Variants in DAB1 observed in about 807,000 individuals in gnomAD.
DAB1 encodes DAB adaptor protein 1.
A neutral mutation model predicts 64.6 loss-of-function variants in DAB1; 15 were observed. That is an observed-to-expected ratio of 0.23 (90% confidence interval 0.16 to 0.36). DAB1 has a LOEUF of 0.36. Ranked by LOEUF, DAB1 falls within the 10% of genes least tolerant of loss-of-function variation. The pLI, the probability that DAB1 is intolerant of heterozygous loss-of-function variation, is 1.00. For synonymous variants in DAB1, 235 were observed against 251.9 expected (o/e 0.93, Z 0.64); for missense variants, 596 against 706.7 (o/e 0.84, Z 1.78).
chr1:57,646,109 G>A (rs1180858600), intron 7 of DAB1, among the ~76,000 whole-genome samples: 1 of 152,118 alleles, frequency 6.6e-6, no homozygotes, highest in African/African-American at 2.4e-5. Context: ...AAATGGGAAA[G>A]GCATACTATC....
At chr1:57,254,007 T>C (rs1194834660) in intron 2 of DAB1, among the ~76,000 whole-genome samples, 1 of 152,358 alleles carries the variant, frequency 6.6e-6, no homozygotes, top group East Asian at 1.9e-4. Flanking sequence ...TTACAAATAC[T>C]GCTGAATTAT....
intron 5 of DAB1, among the ~76,000 whole-genome samples, chr1:57,953,795 A>C (rs918085792): frequency 5.3e-5 from 8 of 152,150 alleles, no homozygotes; most frequent in African/African-American, 1.9e-4. Context: ...GCTGGTTGGC[A>C]GTGGCTGGGT....
At chr1:58,365,173 T>C (rs1212907622) in intron 3 of DAB1, among the ~76,000 whole-genome samples, 3 of 152,220 alleles carry the variant, frequency 2.0e-5, no homozygotes, top group African/African-American at 7.2e-5. Flanking sequence ...GCCAAGTCTC[T>C]CAGCTTCCAA....
Position 58,519,270 on chromosome 1 carries a change from A to G in DAB1, n.107+7991T>C, listed in dbSNP as rs149183702. 1.3e-4 allele frequency among the ~76,000 whole-genome samples: 20 copies of G among 152,264 alleles called. No homozygotes were observed. The East Asian group carries it at 1.4e-3, about 10-fold the overall frequency. ...TTTTTGTGGGCACTTGGTAGGTTAT[A>G]TATTTAGGGGTTACATGAGATATTT... On this transcript the variant is annotated intron_variant and non_coding_transcript_variant, in intron 2 of 20. Transcript: ENST00000485760.
At chr1:58,153,795 T>C (rs1444887064) in intron 4 of DAB1, among the ~76,000 whole-genome samples, 2 of 150,236 alleles carry the variant, frequency 1.3e-5, no homozygotes, top group African/African-American at 4.9e-5. Flanking sequence ...TGTTAACCCG[T>C]CCTGTCATGT....
intron 9 of DAB1, among the ~76,000 whole-genome samples, chr1:57,052,332 AT>A (rs1274709308): frequency 6.6e-6 from 1 of 152,168 alleles, no homozygotes; most frequent in Non-Finnish European, 1.5e-5. Context: ...GATCATCAGA[AT>A]TTTTATCATT....
intron 2 of DAB1, among the ~76,000 whole-genome samples, chr1:58,520,020 T>C (rs1435783370): frequency 6.6e-6 from 1 of 152,168 alleles, no homozygotes; most frequent in Non-Finnish European, 1.5e-5. Context: ...TTGCATGTTC[T>C]CACTCATAAG....
At chr1:58,285,287 T>C (rs1300726459) in intron 4 of DAB1, among the ~76,000 whole-genome samples, 1 of 152,290 alleles carries the variant, frequency 6.6e-6, no homozygotes, top group African/African-American at 2.4e-5. Context: ...CAACATAGTA[T>C]TGGAAGTTCT....
chr1:58,084,868 C>A (rs1317092655), intron 5 of DAB1, among the ~76,000 whole-genome samples: 7 of 151,568 alleles, frequency 4.6e-5, no homozygotes, highest in Admixed American at 4.6e-4. Context: ...GTGCTTGTCA[C>A]AAGAAATGTG....
intron 3 of DAB1, among the ~76,000 whole-genome samples, chr1:58,436,044 G>T (rs1385450646): frequency 2.0e-5 from 3 of 152,154 alleles, no homozygotes; most frequent in African/African-American, 7.2e-5. Context: ...GGTCCTCACA[G>T]TTTGCCCAGC....
chr1:57,001,821 A>G (rs1645879811), intron 14 of DAB1, among the ~76,000 whole-genome samples: 1 of 152,182 alleles, frequency 6.6e-6, no homozygotes, highest in Non-Finnish European at 1.5e-5. Context: ...ACCTAGCTGA[A>G]ATATCAAGGC....
At chr1:57,213,552 G>T (rs1666193924) in intron 2 of DAB1, among the ~76,000 whole-genome samples, 1 of 152,126 alleles carries the variant, frequency 6.6e-6, no homozygotes, top group Non-Finnish European at 1.5e-5. Flanking sequence ...CATACAAAAT[G>T]CTGGCTCCAC....
At chr1:57,690,586 T>C (rs898302280) in intron 6 of DAB1, among the ~76,000 whole-genome samples, 16 of 152,320 alleles carry the variant, frequency 1.1e-4, no homozygotes, top group African/African-American at 3.8e-4. Flanking sequence ...ATTAAGCCTC[T>C]TTCCTTTATA....
At chr1:57,300,422 G>T (rs979310398) in intron 1 of DAB1, among the ~76,000 whole-genome samples, 1 of 152,176 alleles carries the variant, frequency 6.6e-6, no homozygotes, top group Admixed American at 6.5e-5. Flanking sequence ...GAGTTAACAG[G>T]GGGGATGCAG....
At chr1:58,148,775 A>ACC (rs60017172) in intron 5 of DAB1, among the ~76,000 whole-genome samples, 4 of 136,814 alleles carry the variant, frequency 2.9e-5, no homozygotes, top group South Asian at 2.3e-4. Context: ...CAGAAATCAC[A>ACC]CCCCCCCCCC....
chr1:58,113,112 G>A (rs1216633775), intron 5 of DAB1, among the ~76,000 whole-genome samples: 1 of 152,178 alleles, frequency 6.6e-6, no homozygotes, highest in African/African-American at 2.4e-5. Flanking sequence ...AAGGGTGAGG[G>A]CTGCAAAAGG....
At chr1:58,326,160 T>C (rs1662820485) in intron 4 of DAB1, among the ~76,000 whole-genome samples, 1 of 152,226 alleles carries the variant, frequency 6.6e-6, no homozygotes, top group Admixed American at 6.5e-5. Context: ...CCCCAAATGC[T>C]AATTAGTCCT....
At chr1:58,055,765 C>T (rs980049786) in intron 5 of DAB1, among the ~76,000 whole-genome samples, 3 of 152,142 alleles carry the variant, frequency 2.0e-5, no homozygotes, top group South Asian at 2.1e-4. Flanking sequence ...AGTGCAGTGG[C>T]GTCATCTCGG....
rs567763285 is a variant in DAB1, at chr1:58,024,747, A to C, written n.387+125764T>G. 2.9e-3 allele frequency among the ~76,000 whole-genome samples: 435 copies of C among 152,320 alleles called. 1 individual carries two copies. The highest frequency in any genetic ancestry group is 9.7e-3 in the African/African-American group (405 of 41,582). ...GATATTAACATTTGAATTGGTAGAC[A>C]GTAAAGTAAATTGCCTTTTCTAATG... On this transcript the variant is annotated intron_variant and non_coding_transcript_variant, in intron 5 of 20. Transcript: ENST00000485760.
Sources: gnomAD v4.1 joint callset for allele counts (sites outside exome capture counted in the v4.1 genomes callset) on GRCh38, gnomAD v4.1.1 for gene constraint, MANE v1.5 for transcripts, NCBI Gene and HGNC (gene_info 2026-07-23, HGNC 2026-07-21) for gene names.